The following NAGS variants were observed in gnomAD, a reference collection of about 807,000 sequenced individuals.
NAGS encodes N-acetylglutamate synthase, mitochondrial.
NAGS carries 34 observed loss-of-function variants against 46.9 expected under a neutral mutation model. The ratio of observed to expected loss-of-function variants is 0.72; its 90% CI spans 0.55 to 0.97. The LOEUF is 0.97. NAGS is among the 50% of genes least tolerant of loss of function. The pLI is 0.00. For missense variants in NAGS, 665 were observed against 747.0 expected, an observed-to-expected ratio of 0.89 and a Z score of 1.28; for synonymous variants, 334 against 346.3, an observed-to-expected ratio of 0.96 and a Z score of 0.39.
chr17:44,007,519 G>C lies in NAGS; in HGVS notation c.1268+25G>C. The C allele has an allele frequency of 6.2e-7, 1 of 1,613,480 alleles. No homozygotes were observed. The highest frequency in any genetic ancestry group is 8.5e-7 in the Non-Finnish European group (1 of 1,179,906). ...GGTAAGCCTGCGGACCCCAGAGGGC[G>C]GGGTCTGGGGGGCAGTCGGGCAGCT... On this transcript the variant is annotated intron_variant, in intron 5 of 6. Coordinates refer to ENST00000293404, the MANE Select transcript of NAGS (RefSeq NM_153006.3). This position sits in a 1 kb window ranked among gnomAD's most constrained non-coding sequence, Gnocchi z 5.1.
chr17:44,007,365 T>A lies in NAGS; in HGVS notation c.1139T>A (p.Val380Glu), dbSNP rs749187900. The A allele has an allele frequency of 4.3e-6, 7 of 1,612,386 alleles. No homozygotes were observed. In the Admixed American group the frequency reaches 1.0e-4, roughly 23 times the overall value. The change falls in exon 5 of 7, where the codon GTG becomes GAG. Residue 380 changes from valine to glutamate, a missense_variant. Coordinates refer to ENST00000293404, the MANE Select transcript of NAGS (RefSeq NM_153006.3). This position sits in a 1 kb window ranked among gnomAD's most constrained non-coding sequence, Gnocchi z 5.1. ...AAGAACGCCGAGCGAATGCTACGGG[T>A]GCGCAGCCTGGACAAGCTGGACCAG... ...LFKNAERMLR[V>E]RSLDKLDQGR...
chr17:44,005,876 T>C lies in NAGS; in HGVS notation c.666T>C (p.Ser222=). ...CTGTGCCATTTTTTGGCGGCGGGTC[T>C]GTGCTACGCGCTGCCGAGCCGGCTC... The part of the protein sequence containing the change: ...AAAVPFFGGG[S]VLRAAEPAPH... The change falls in exon 2 of 7, where the codon TCT becomes TCC. Residue 222 remains serine, a synonymous_variant. Coordinates refer to ENST00000293404, the MANE Select transcript of NAGS (RefSeq NM_153006.3). This position sits in a 1 kb window ranked among gnomAD's most constrained non-coding sequence, Gnocchi z 7.2. 6.5e-7 allele frequency: 1 copy of C among 1,550,208 alleles called. No individual in the cohort carries two copies. The highest frequency in any genetic ancestry group is 8.7e-7 in the Non-Finnish European group (1 of 1,150,218).
Position 44,008,663 on chromosome 17 carries a change from G to A in NAGS, c.*62G>A, listed in dbSNP as rs549707200. The A allele has an allele frequency of 6.2e-7, 1 of 1,604,882 alleles. No individual in the cohort carries two copies. The highest frequency in any genetic ancestry group is 2.2e-5 in the East Asian group (1 of 44,870). ...GGGTGGACCAAAAGCCATGCCAGCT[G>A]GGCATGACCCCAGGCAGCCAGCCAC... On this transcript the variant is annotated 3_prime_UTR_variant, in exon 7 of 7. Transcript: ENST00000293404.
Position 44,004,633 on chromosome 17 carries a change from C to T in NAGS, c.-31C>T. 6.7e-7 allele frequency: 1 copy of T among 1,490,396 alleles called. No individual in the cohort carries two copies. The highest frequency in any genetic ancestry group is 8.9e-7 in the Non-Finnish European group (1 of 1,118,196). 92.3% of individuals were successfully genotyped at this position (1,490,396 alleles called of 1,614,324 possible). ...GTGCCAGACGCTCCAGACAGACTGC[C>T]ACTCTTGGGGGGCAAGAGTTGGTTG... On this transcript the variant is annotated 5_prime_UTR_variant, in exon 1 of 7. Coordinates refer to ENST00000293404, the MANE Select transcript of NAGS (RefSeq NM_153006.3).
rs1389030432 is a variant in NAGS at position 44,007,474 on chromosome 17, C to T, written c.1248C>T (p.His416=). 6.2e-7 allele frequency: 1 copy of T among 1,613,812 alleles called. No individual in the cohort carries two copies. Among genetic ancestry groups the T allele is most frequent in the East Asian group, 2.2e-5 (1 of 44,864 alleles). Residue 416 remains histidine, a synonymous_variant, in exon 5 of 7, where the codon CAC becomes CAT. Transcript: ENST00000293404. This position sits in a 1 kb window ranked among gnomAD's most constrained non-coding sequence, Gnocchi z 5.1. ...DYLASLRPRL[H]SIYVSEGYNA... is the part of the protein sequence containing the mutation. Reference sequence around the variant, plus strand: ...TGGCCTCGCTGCGCCCGCGGCTGCACTCCATCTACGTCTCCGAGGGGTAAG... The same window carrying T: ...TGGCCTCGCTGCGCCCGCGGCTGCATTCCATCTACGTCTCCGAGGGGTAAG...
Position 44,004,886 on chromosome 17 carries a change from G to T in NAGS, c.223G>T (p.Ala75Ser), listed in dbSNP as rs1057420650. 2.6e-6 allele frequency: 4 copies of T among 1,532,058 alleles called. No individual in the cohort carries two copies. In the African/African-American group the frequency reaches 4.1e-5, roughly 16 times the overall value. The allele number at this position is 1,532,058 out of a possible 1,614,324, so 94.9% of individuals were successfully genotyped here. Residue 75 changes from alanine (A) to serine (S), a missense_variant, in exon 1 of 7, where the codon GCC becomes TCC. Coordinates refer to ENST00000293404, the MANE Select transcript of NAGS (RefSeq NM_153006.3). Reference sequence around the variant, plus strand: ...GGACGACGTCTCCCAGTCGCCCGTCGCCGAGGAGCCGTCGTGGGTGCCGAG... The same window carrying T: ...GGACGACGTCTCCCAGTCGCCCGTCTCCGAGGAGCCGTCGTGGGTGCCGAG... ...GADDVSQSPV[A>S]EEPSWVPSPR...
In NAGS at chr17:44,004,839, C is replaced by T. The variant is rs2049062980; in HGVS notation, c.176C>T (p.Pro59Leu). The T allele has an allele frequency of 6.6e-7, 1 of 1,517,726 alleles. No individual in the cohort carries two copies. Among genetic ancestry groups the T allele is most frequent in the South Asian group, 1.2e-5 (1 of 82,012 alleles). 94.0% of individuals were successfully genotyped at this position (1,517,726 alleles called of 1,614,324 possible). ...ACCGCCTGGTCGCAGCCCCAGCCCC[C>T]GCCCGAGGAGTACGCGGGCGCGGAC... ...LSTAWSQPQPPPEEYAGADDV... is the reference protein window; with the variant it reads ...LSTAWSQPQPLPEEYAGADDV... Residue 59 changes from proline to leucine, a missense_variant, in exon 1 of 7, where the codon CCG becomes CTG. Transcript: ENST00000293404.
In NAGS at chr17:44,005,108, G is replaced by A. The variant is rs368844914; in HGVS notation, c.426+19G>A. 3.9e-4 allele frequency: 604 copies of A among 1,556,526 alleles called. 15 individuals are homozygous for A. In the South Asian group the frequency reaches 5.8e-3, roughly 15 times the overall value. ...CATCGAGGTGAGCGGAGCCCGGCGT[G>A]GGCCGTGACGCAGCGAGGGGATGGG... On this transcript the variant is annotated intron_variant, in intron 1 of 6. Transcript: ENST00000293404. This position sits in a 1 kb window ranked among gnomAD's most constrained non-coding sequence, Gnocchi z 7.2.
Position 44,006,879 on chromosome 17 carries a change from AGAG to A in NAGS, c.1096+177_1096+179del, listed in dbSNP as rs1010226833. ...GCTGCCGAAACCCGGGGGAGGTGAG[AGAG>A]GAGGAGACCCAGTGTACTGGAAGGG... On this transcript the variant is annotated intron_variant, in intron 4 of 6. Transcript: ENST00000293404. This position sits in a 1 kb window ranked among gnomAD's most constrained non-coding sequence, Gnocchi z 4.8. The A allele has an allele frequency of 2.3e-5, 14 of 621,724 alleles. No individual in the cohort carries two copies. In the East Asian group the frequency reaches 4.1e-4, roughly 18 times the overall value. 38.5% of individuals were successfully genotyped at this position (621,724 alleles called of 1,614,324 possible). A position where few individuals can be genotyped will look rare whatever the true frequency, so the allele number is the denominator to read the frequency against.
Position 44,006,220 on chromosome 17 carries a change from C to A in NAGS, c.898C>A (p.Arg300Ser). 2 of 1,613,194 alleles carry A rather than the reference C, an allele frequency of 1.2e-6. No individual in the cohort carries two copies. Among genetic ancestry groups the A allele is most frequent in the African/African-American group, 1.3e-5 (1 of 75,068 alleles). The change falls in exon 3 of 7, where the codon CGC becomes AGC. Residue 300 changes from arginine to serine, a missense_variant. Physicochemically the swap from Arg to Ser is moderately radical, Grantham distance 110 (BLOSUM62 -1). Coordinates refer to ENST00000293404, the MANE Select transcript of NAGS (RefSeq NM_153006.3). The surrounding 1 kb of genome is among the most constrained non-coding windows in gnomAD (Gnocchi z 4.8). ...CTTCCTCAATAACACAGGCGGCCTG[C>A]GCGACAGCAGTCATAAGGTGCGGCC... is the stretch of plus-strand genomic sequence containing the variant. ...IIFLNNTGGL[R>S]DSSHKVLSNV...
In NAGS at chr17:44,006,010, C is replaced by A; in HGVS notation, c.702-14C>A. 6.3e-7 allele frequency: 1 copy of A among 1,589,946 alleles called. No individual in the cohort carries two copies. Among genetic ancestry groups the A allele is most frequent in the South Asian group, 1.1e-5 (1 of 88,426 alleles). ...CTGGAGGGGGCCCTCTCGAGCACCACGTCTGGCCCACAGCTACGGCGGCAT... is the reference window on the plus strand; with the variant it reads ...CTGGAGGGGGCCCTCTCGAGCACCAAGTCTGGCCCACAGCTACGGCGGCAT... On this transcript the variant is annotated splice_polypyrimidine_tract_variant and intron_variant, in intron 2 of 6. Transcript: ENST00000293404. The surrounding 1 kb of genome is among the most constrained non-coding windows in gnomAD (Gnocchi z 4.8).
In NAGS at chr17:44,004,911, G is replaced by T; in HGVS notation, c.248G>T (p.Ser83Ile). 1 of 1,534,758 alleles carries T rather than the reference G, an allele frequency of 6.5e-7. No homozygotes were observed. The change falls in exon 1 of 7, where the codon AGT (serine) becomes ATT (isoleucine). Residue 83 changes from serine (S) to isoleucine (I), a missense_variant. Transcript: ENST00000293404. ...PVAEEPSWVP[S>I]PRPPVPHESP... ...GCCGAGGAGCCGTCGTGGGTGCCGA[G>T]TCCCAGGCCCCCGGTGCCCCACGAG...
chr17:44,006,373 G>T lies in NAGS; in HGVS notation c.915+136G>T. Reference sequence around the variant, plus strand: ...AAAAGCCTAAGGGAGTATAGGGGAGGAGTTCAGCCCTGGGTGCCCAGATCT... The same window carrying T: ...AAAAGCCTAAGGGAGTATAGGGGAGTAGTTCAGCCCTGGGTGCCCAGATCT... On this transcript the variant is annotated intron_variant, in intron 3 of 6. Transcript: ENST00000293404. This position sits in a 1 kb window ranked among gnomAD's most constrained non-coding sequence, Gnocchi z 4.8. The T allele has an allele frequency of 6.9e-7, 1 of 1,444,424 alleles. No homozygotes were observed. Among genetic ancestry groups the T allele is most frequent in the Non-Finnish European group, 9.5e-7 (1 of 1,053,492 alleles). 89.5% of individuals were successfully genotyped at this position (1,444,424 alleles called of 1,614,324 possible). A position where few individuals can be genotyped will look rare whatever the true frequency, so the allele number is the denominator to read the frequency against.
rs755826719 is a variant in NAGS, at chr17:44,005,025, G to T, written c.362G>T (p.Arg121Leu). Residue 121 changes from arginine to leucine, a missense_variant, in exon 1 of 7, where the codon CGC becomes CTC. Coordinates refer to ENST00000293404, the MANE Select transcript of NAGS (RefSeq NM_153006.3). The surrounding 1 kb of genome is among the most constrained non-coding windows in gnomAD (Gnocchi z 7.2). Reference sequence around the variant, plus strand: ...TGCGGGGCCAGCCCTGGGGAGGCGCGCCACTGGCTCACGCAGTTCCAGACC... The same window carrying T: ...TGCGGGGCCAGCCCTGGGGAGGCGCTCCACTGGCTCACGCAGTTCCAGACC... ...NQCGASPGEA[R>L]HWLTQFQTCH... 24 of 1,565,082 alleles carry T rather than the reference G, an allele frequency of 1.5e-5. No homozygotes were observed. The highest frequency in any genetic ancestry group is 2.7e-5 in the African/African-American group (2 of 74,098).
At position 44,007,284 on chromosome 17, in the gene NAGS, GCC is replaced by G; in HGVS notation, c.1097-37_1097-36del. On this transcript the variant is annotated intron_variant, in intron 4 of 6. Coordinates refer to ENST00000293404, the MANE Select transcript of NAGS (RefSeq NM_153006.3). This position sits in a 1 kb window ranked among gnomAD's most constrained non-coding sequence, Gnocchi z 5.1. ...CAGTCCCCACCAGGCTGCGCAAACG[GCC>G]CTCCAGCCAGACTAGCCCCTCCCCA... The G allele has an allele frequency of 6.2e-7, 1 of 1,606,994 alleles. No homozygotes were observed. The highest frequency in any genetic ancestry group is 1.1e-5 in the South Asian group (1 of 90,072).
In NAGS at chr17:44,005,669, C is replaced by T. The variant is rs1259861627; in HGVS notation, c.459C>T (p.Gly153=). 6 of 1,610,590 alleles carry T rather than the reference C, an allele frequency of 3.7e-6. No individual in the cohort carries two copies. Among genetic ancestry groups the T allele is most frequent in the Non-Finnish European group, 5.1e-6 (6 of 1,178,818 alleles). ...VDEEVLKCQQ[G]VSSLAFALAF... The stretch of plus-strand genomic sequence containing the variant: ...AGGAGGTGCTCAAGTGCCAGCAGGG[C>T]GTATCCAGTCTGGCCTTTGCCCTGG... Residue 153 remains glycine, a synonymous_variant, in exon 2 of 7, where the codon GGC becomes GGT. Transcript: ENST00000293404. The surrounding 1 kb of genome is among the most constrained non-coding windows in gnomAD (Gnocchi z 7.2).
Position 44,004,879 on chromosome 17 carries a change from G to T in NAGS, c.216G>T (p.Ser72=), listed in dbSNP as rs891726101. Residue 72 remains serine (S), a synonymous_variant, in exon 1 of 7, where the codon TCG becomes TCT. Coordinates refer to ENST00000293404, the MANE Select transcript of NAGS (RefSeq NM_153006.3). ...EYAGADDVSQ[S]PVAEEPSWVP... The stretch of plus-strand genomic sequence containing the variant: ...CGGGCGCGGACGACGTCTCCCAGTC[G>T]CCCGTCGCCGAGGAGCCGTCGTGGG... 1.8e-5 allele frequency: 28 copies of T among 1,531,412 alleles called. No individual in the cohort carries two copies. The highest frequency in any genetic ancestry group is 2.4e-5 in the Non-Finnish European group (27 of 1,145,238). The allele number at this position is 1,531,412 out of a possible 1,614,324, so 94.9% of individuals were successfully genotyped here.
At position 44,006,201 on chromosome 17, in the gene NAGS, C is replaced by G. The variant is rs1236291283; in HGVS notation, c.879C>G (p.Leu293=). 1 of 1,613,250 alleles carries G rather than the reference C, an allele frequency of 6.2e-7. No individual in the cohort carries two copies. Among genetic ancestry groups the G allele is most frequent in the African/African-American group, 1.3e-5 (1 of 74,934 alleles). The change falls in exon 3 of 7, where the codon CTC becomes CTG. Residue 293 remains leucine (L), a synonymous_variant. Coordinates refer to ENST00000293404, the MANE Select transcript of NAGS (RefSeq NM_153006.3). The surrounding 1 kb of genome is among the most constrained non-coding windows in gnomAD (Gnocchi z 4.8). ...TGCGGCCCACCAAAATCATCTTCCT[C>G]AATAACACAGGCGGCCTGCGCGACA... ...KALRPTKIIF[L]NNTGGLRDSS...
At position 44,006,186 on chromosome 17, in the gene NAGS, C is replaced by G. The variant is rs1196927943; in HGVS notation, c.864C>G (p.Thr288=). 6.2e-7 allele frequency: 1 copy of G among 1,613,422 alleles called. No homozygotes were observed. The highest frequency in any genetic ancestry group is 8.5e-7 in the Non-Finnish European group (1 of 1,180,016). ...TASLAKALRP[T]KIIFLNNTGG... ...CGCTGGCCAAGGCGCTGCGGCCCAC[C>G]AAAATCATCTTCCTCAATAACACAG... The change falls in exon 3 of 7, where the codon ACC becomes ACG. Residue 288 remains threonine, a synonymous_variant. Coordinates refer to ENST00000293404, the MANE Select transcript of NAGS (RefSeq NM_153006.3). The surrounding 1 kb of genome is among the most constrained non-coding windows in gnomAD (Gnocchi z 4.8).
Sources: gnomAD v4.1 joint callset for allele counts on GRCh38, gnomAD v4.1.1 for gene constraint, Gnocchi (gnomAD v3.1) non-coding constraint, MANE v1.5 for transcripts, NCBI Gene and HGNC (gene_info 2026-07-23, HGNC 2026-07-21) for gene names.